The following ABTB3 variants were observed in gnomAD, a reference collection of about 807,000 sequenced individuals.
ABTB3 encodes the protein ankyrin repeat- and BTB/POZ domain-containing protein 3.
At chr12:107,588,682 G>A in the ABTB3 span, among the ~76,000 whole-genome samples, 7 of 152,054 alleles carry the variant, frequency 4.6e-5, no homozygotes, top group East Asian at 1.9e-4. Flanking sequence ...CACCACGCCC[G>A]GCTACTTTTT....
chr12:107,617,772 A>G, the ABTB3 span: 3 of 362,412 alleles, frequency 8.3e-6, no homozygotes, highest in South Asian at 5.4e-5. Context: ...AACCTTTCAT[A>G]TTTGGTGACT....
the ABTB3 span, among the ~76,000 whole-genome samples, chr12:107,344,820 A>G: frequency 6.6e-6 from 1 of 152,224 alleles, no homozygotes; most frequent in Admixed American, 6.5e-5. Flanking sequence ...TTTAACACAG[A>G]CTTAATTTAA....
the ABTB3 span, among the ~76,000 whole-genome samples, chr12:107,469,581 C>T: frequency 6.6e-6 from 1 of 152,150 alleles, no homozygotes; most frequent in African/African-American, 2.4e-5. Flanking sequence ...TCAGACTGGC[C>T]TGTTCTCAAA....
chr12:107,599,432 A>G, the ABTB3 span, among the ~76,000 whole-genome samples: 1 of 152,236 alleles, frequency 6.6e-6, no homozygotes, highest in African/African-American at 2.4e-5. Flanking sequence ...CAACTCCAGC[A>G]GTTCCCTGCT....
chr12:107,518,995 C>G, the ABTB3 span, among the ~76,000 whole-genome samples: 11 of 152,240 alleles, frequency 7.2e-5, no homozygotes, highest in African/African-American at 2.2e-4. Flanking sequence ...TGTGTGTTCT[C>G]TCCCTCACTA....
chr12:107,337,960 A>G, the ABTB3 span, among the ~76,000 whole-genome samples: 2 of 152,212 alleles, frequency 1.3e-5, no homozygotes, highest in African/African-American at 4.8e-5. Flanking sequence ...CATTCAGGAA[A>G]TAGTTCAGTG....
At chr12:107,643,260 C>T in the ABTB3 span, among the ~76,000 whole-genome samples, 11 of 151,810 alleles carry the variant, frequency 7.2e-5, no homozygotes, top group Non-Finnish European at 1.2e-4. Flanking sequence ...AAAAATTAGC[C>T]GGGCGTGGTC....
At chr12:107,630,623 T>C in the ABTB3 span, among the ~76,000 whole-genome samples, 1 of 151,930 alleles carries the variant, frequency 6.6e-6, no homozygotes, top group Non-Finnish European at 1.5e-5. Context: ...AAAAAAAAAT[T>C]TAAAGACAGG....
the ABTB3 span, among the ~76,000 whole-genome samples, chr12:107,397,447 A>AT: frequency 2.0e-5 from 3 of 150,322 alleles, no homozygotes; most frequent in Non-Finnish European, 4.4e-5. Flanking sequence ...TTTACCTATT[A>AT]TTTTTTTCTA....
the ABTB3 span, among the ~76,000 whole-genome samples, chr12:107,491,516 G>A: frequency 2.0e-5 from 3 of 152,124 alleles, no homozygotes; most frequent in Admixed American, 2.0e-4. Context: ...GGAAGGACGG[G>A]TTAACAACCA....
the ABTB3 span, among the ~76,000 whole-genome samples, chr12:107,542,213 G>A: frequency 5.3e-5 from 8 of 150,856 alleles, no homozygotes; most frequent in African/African-American, 2.0e-4. Flanking sequence ...TCAGGAGGCT[G>A]AGGCAGGAGA....
the ABTB3 span, among the ~76,000 whole-genome samples, chr12:107,553,806 G>A: frequency 6.6e-6 from 1 of 152,180 alleles, no homozygotes; most frequent in African/African-American, 2.4e-5. Context: ...TAGGCATCGT[G>A]GCACATGCCT....
the ABTB3 span, among the ~76,000 whole-genome samples, chr12:107,553,664 C>T: frequency 7.2e-5 from 11 of 152,110 alleles, no homozygotes; most frequent in Admixed American, 6.6e-4. Flanking sequence ...AGAGACTGGG[C>T]GTGGTGGCTC....
the ABTB3 span, among the ~76,000 whole-genome samples, chr12:107,496,189 T>C: frequency 1.3e-5 from 2 of 152,156 alleles, no homozygotes; most frequent in African/African-American, 4.8e-5. Flanking sequence ...GTCAAGGTTT[T>C]TCCTATTCTA....
the ABTB3 span, among the ~76,000 whole-genome samples, chr12:107,648,992 T>C: frequency 6.6e-6 from 1 of 152,242 alleles, no homozygotes; most frequent in Non-Finnish European, 1.5e-5. Flanking sequence ...TTTCAACAGG[T>C]ATCAAACTAT....
At chr12:107,535,007 C>G in the ABTB3 span, among the ~76,000 whole-genome samples, 2 of 152,102 alleles carry the variant, frequency 1.3e-5, no homozygotes, top group African/African-American at 4.8e-5. Context: ...AATTATAGAT[C>G]AATATCCTCA....
the ABTB3 span, among the ~76,000 whole-genome samples, chr12:107,385,489 G>A: frequency 6.6e-6 from 1 of 152,234 alleles, no homozygotes; most frequent in Non-Finnish European, 1.5e-5. Context: ...TTATTTGATT[G>A]TAATTGATGA....
At chr12:107,482,993 C>T in the ABTB3 span, among the ~76,000 whole-genome samples, 7,054 of 54,176 alleles carry the variant, frequency 0.13, 640 homozygotes, top group African/African-American at 0.35. Context: ...TCTTTCCTTC[C>T]TTCCTTCCTT....
the ABTB3 span, among the ~76,000 whole-genome samples, chr12:107,554,279 A>G: frequency 1.3e-5 from 2 of 152,176 alleles, no homozygotes; most frequent in African/African-American, 4.8e-5. Flanking sequence ...AATAATATTT[A>G]GATATGCTTA....
Sources: gnomAD v4.1 joint callset for allele counts (sites outside exome capture counted in the v4.1 genomes callset) on GRCh38, gnomAD v4.1.1 for gene constraint, MANE v1.5 for transcripts, NCBI Gene and HGNC (gene_info 2026-07-23, HGNC 2026-07-21) for gene names.